The following TFEC variants were observed in gnomAD, a reference collection of about 807,000 sequenced individuals.
TFEC encodes transcription factor EC.
TFEC carries 31 observed loss-of-function variants against 41.6 expected under a neutral mutation model. The observed-to-expected ratio is 0.74, with a 90% CI of 0.56 to 1.01. The LOEUF (loss-of-function observed/expected upper bound fraction) is 1.01. Ranked by LOEUF, TFEC falls within the 50% of genes least tolerant of loss-of-function variation. The pLI is 0.00. For synonymous variants in TFEC, 143 were observed against 140.6 expected (o/e 1.02, Z -0.12); for missense variants, 402 against 404.1 (o/e 0.99, Z 0.04).
chr7:116,043,447 T>C (rs1307771046), intron 3 of TFEC, among the ~76,000 whole-genome samples: 11 of 152,288 alleles, frequency 7.2e-5, no homozygotes, highest in Non-Finnish European at 2.9e-5. Context: ...AAAAAAGTTC[T>C]TAAAGGTATC....
At chr7:115,960,344 A>C (rs1430386104) in intron 3 of TFEC, among the ~76,000 whole-genome samples, 1 of 151,706 alleles carries the variant, frequency 6.6e-6, no homozygotes, top group Non-Finnish European at 1.5e-5. Flanking sequence ...TTAGGCATAC[A>C]ATGCTTAAGA....
intron 6 of TFEC, among the ~76,000 whole-genome samples, chr7:115,942,641 T>G (rs927241439): frequency 6.6e-6 from 1 of 152,000 alleles, no homozygotes; most frequent in African/African-American, 2.4e-5. Context: ...TCATCAAAAC[T>G]TTTTAAAAGC....
At chr7:115,963,708 A>T (rs562712867) in intron 3 of TFEC, among the ~76,000 whole-genome samples, 2 of 151,892 alleles carry the variant, frequency 1.3e-5, no homozygotes, top group East Asian at 3.9e-4. Flanking sequence ...TACCTAGAAT[A>T]GTGAAATTCA....
chr7:116,135,207 C>T (rs1253315954), intron 1 of TFEC, among the ~76,000 whole-genome samples: 1 of 152,098 alleles, frequency 6.6e-6, no homozygotes, highest in African/African-American at 2.4e-5. Flanking sequence ...CTGAATAAAA[C>T]TTTATTTTAT....
chr7:115,962,193 G>T (rs1792593117), intron 3 of TFEC, among the ~76,000 whole-genome samples: 1 of 151,602 alleles, frequency 6.6e-6, no homozygotes, highest in African/African-American at 2.4e-5. Flanking sequence ...TGAAATGAAA[G>T]AAATCATAAA....
At position 115,939,799 on chromosome 7, in the gene TFEC, T is replaced by A. The variant is rs1793398192; in HGVS notation, c.*752A>T. The A allele has an allele frequency of 6.6e-6, 1 of 152,050 alleles. No individual in the cohort carries two copies. The highest frequency in any genetic ancestry group is 2.1e-4 in the South Asian group (1 of 4,830). 9.4% of individuals were successfully genotyped at this position (152,050 alleles called of 1,614,324 possible). On this transcript the variant is annotated 3_prime_UTR_variant, in exon 8 of 8. Transcript: ENST00000265440. ...GTATGTGTATGTTTGTGTGAAGGGA[T>A]ACAATTCTGGTCCATATTCCTGAGG...
In TFEC at chr7:115,935,828, A is replaced by G. The variant is rs1405940130; in HGVS notation, c.*4723T>C. On this transcript the variant is annotated 3_prime_UTR_variant, in exon 8 of 8. Coordinates refer to ENST00000265440, the MANE Select transcript of TFEC (RefSeq NM_012252.4). ...ATAATGTAAGAAAAAGACATTTTAC[A>G]GAGAATTTCATCAGTAGAAAACACA... 1.1e-4 allele frequency: 17 copies of G among 151,614 alleles called. No individual in the cohort carries two copies. The highest frequency in any genetic ancestry group is 1.5e-5 in the Non-Finnish European group (1 of 67,598). 9.4% of individuals were successfully genotyped at this position (151,614 alleles called of 1,614,324 possible). A position where few individuals can be genotyped will look rare whatever the true frequency, so the allele number is the denominator to read the frequency against.
intron 1 of TFEC, among the ~76,000 whole-genome samples, chr7:115,998,894 C>T (rs1242491857): frequency 6.6e-6 from 1 of 151,926 alleles, no homozygotes; most frequent in Non-Finnish European, 1.5e-5. Context: ...CTAGAAACTT[C>T]AATACCCCAC....
rs143712507 is a variant in TFEC at position 115,966,365 on chromosome 7, T to G, written c.267+7805A>C. Among the ~76,000 whole-genome samples, 18 of 151,796 alleles carry G rather than the reference T, an allele frequency of 1.2e-4. No individual in the cohort carries two copies. In the East Asian group the frequency reaches 3.1e-3, roughly 26 times the overall value. On this transcript the variant is annotated intron_variant, in intron 3 of 7. Transcript: ENST00000265440. ...ATCTGTGAATTTATATATGGGGAAT[T>G]TTTTTAAGAAGATAATAAAATACAA...
rs575782628 is a variant in TFEC, at chr7:116,012,010, G to A, written c.-73+18623C>T. Among the ~76,000 whole-genome samples, 8 of 152,204 alleles carry A rather than the reference G, an allele frequency of 5.3e-5. No individual in the cohort carries two copies. In the East Asian group the frequency reaches 5.8e-4, roughly 11 times the overall value. On this transcript the variant is annotated intron_variant, in intron 1 of 7. Transcript: ENST00000265440. ...TGAGCCAAAATAAACCTCTTTCTTC[G>A]TAAATGACCCAGCCTTAGGTATTCC...
intron 3 of TFEC, among the ~76,000 whole-genome samples, chr7:116,107,243 C>CCT (rs1797740522): frequency 6.6e-6 from 1 of 152,072 alleles, no homozygotes; most frequent in Non-Finnish European, 1.5e-5. Context: ...CTGTACAACC[C>CCT]CTTTTGCCTC....
chr7:116,138,450 C>T (rs1798477693), intron 1 of TFEC, among the ~76,000 whole-genome samples: 1 of 152,132 alleles, frequency 6.6e-6, no homozygotes, highest in Admixed American at 6.6e-5. Flanking sequence ...GGAGAATCTG[C>T]ATCTTTTTGA....
chr7:115,964,151 G>T (rs954771900), intron 3 of TFEC, among the ~76,000 whole-genome samples: 8 of 151,468 alleles, frequency 5.3e-5, no homozygotes, highest in African/African-American at 1.9e-4. Context: ...TAGACAAAAT[G>T]CAAAATTTTC....
intron 3 of TFEC, 51 bp from the exon 4 acceptor site, chr7:115,956,844 G>C (rs1207056699): frequency 8.5e-7 from 1 of 1,174,742 alleles, no homozygotes; most frequent in African/African-American, 1.6e-5. Context: ...TGTGCAAATT[G>C]ATATATTTAG....
At chr7:116,006,577 T>G (rs1794798767) in intron 1 of TFEC, among the ~76,000 whole-genome samples, 1 of 152,200 alleles carries the variant, frequency 6.6e-6, no homozygotes, top group African/African-American at 2.4e-5. Context: ...TAACTTGCTT[T>G]TGATTTTACA....
intron 2 of TFEC, among the ~76,000 whole-genome samples, chr7:115,978,802 C>G (rs796131839): frequency 6.6e-6 from 1 of 152,164 alleles, no homozygotes; most frequent in South Asian, 2.1e-4. Flanking sequence ...GCATCAATGA[C>G]ATTGCACTCT....
At chr7:116,037,866 A>T (rs1192219459) in intron 3 of TFEC, among the ~76,000 whole-genome samples, 3 of 152,060 alleles carry the variant, frequency 2.0e-5, no homozygotes, top group Non-Finnish European at 4.4e-5. Context: ...CCTTAACAAG[A>T]AGCATGTCAG....
chr7:116,001,578 T>A (rs897665747), intron 1 of TFEC, among the ~76,000 whole-genome samples: 1 of 151,042 alleles, frequency 6.6e-6, no homozygotes, highest in Non-Finnish European at 1.5e-5. Context: ...CTCCAGGACA[T>A]TGGACTGGGC....
intron 3 of TFEC, among the ~76,000 whole-genome samples, chr7:116,090,033 C>T (rs1019105777): frequency 6.6e-6 from 1 of 152,140 alleles, no homozygotes; most frequent in African/African-American, 2.4e-5. Flanking sequence ...CCATTTCACA[C>T]TGACTTCCTA....
Sources: gnomAD v4.1 joint callset for allele counts (sites outside exome capture counted in the v4.1 genomes callset) on GRCh38, gnomAD v4.1.1 for gene constraint, MANE v1.5 for transcripts, NCBI Gene and HGNC (gene_info 2026-07-23, HGNC 2026-07-21) for gene names.